Variants in STK3 observed in about 807,000 individuals in gnomAD.
The protein encoded by STK3 is serine/threonine kinase 3.
In STK3, 41 loss-of-function variants were observed where a neutral mutation model predicts 58.0. The ratio of observed to expected loss-of-function variants is 0.71; its 90% confidence interval spans 0.55 to 0.92. The LOEUF (loss-of-function observed/expected upper bound fraction) is 0.92. Among genes scored for constraint, STK3 ranks in the 40% least tolerant of loss-of-function variants. The probability of loss-of-function intolerance (pLI) is 0.00; values close to 1 mark genes in which losing one functional copy is unlikely to be tolerated. For synonymous variants in STK3, 170 were observed against 191.0 expected, an observed-to-expected ratio of 0.89 and a Z score of 0.91; for missense variants, 479 against 602.7, an observed-to-expected ratio of 0.79 and a Z score of 2.15.
At chr8:98,644,286 T>C (rs545234162) in intron 6 of STK3, among the ~76,000 whole-genome samples, 1 of 152,336 alleles carries the variant, frequency 6.6e-6, no homozygotes, top group Admixed American at 6.5e-5. Flanking sequence ...AGTCAAAGTA[T>C]GAATGAAACC....
chr8:98,426,283 A>T (rs1347069219), intron 3 of STK3, among the ~76,000 whole-genome samples: 1 of 152,200 alleles, frequency 6.6e-6, no homozygotes, highest in African/African-American at 2.4e-5. Context: ...CACACGTCCC[A>T]GGTCCCCCCT....
At chr8:98,471,793 A>T (rs1357706362) in intron 10 of STK3, among the ~76,000 whole-genome samples, 1 of 152,194 alleles carries the variant, frequency 6.6e-6, no homozygotes, top group Non-Finnish European at 1.5e-5. Context: ...ACTACCTACT[A>T]GGTGTAAATC....
At chr8:98,831,295 T>C (rs1422725518) in intron 3 of STK3, among the ~76,000 whole-genome samples, 1 of 152,200 alleles carries the variant, frequency 6.6e-6, no homozygotes, top group African/African-American at 2.4e-5. Flanking sequence ...GTATTTCTCT[T>C]AGGCTGGAGT....
At chr8:98,636,871 T>C (rs1563832103) in intron 6 of STK3, among the ~76,000 whole-genome samples, 1 of 152,094 alleles carries the variant, frequency 6.6e-6, no homozygotes, top group Non-Finnish European at 1.5e-5. Flanking sequence ...GTAATAAATA[T>C]AAACTATCCA....
intron 4 of STK3, among the ~76,000 whole-genome samples, chr8:98,736,600 T>G (rs987941614): frequency 1.3e-5 from 2 of 152,186 alleles, no homozygotes; most frequent in Non-Finnish European, 2.9e-5. Flanking sequence ...TTCAAGGAAA[T>G]ATTTGTTCAA....
intron 4 of STK3, among the ~76,000 whole-genome samples, chr8:98,737,818 C>T (rs1395400037): frequency 6.6e-6 from 1 of 152,122 alleles, no homozygotes; most frequent in Non-Finnish European, 1.5e-5. Context: ...AGAGATTCTC[C>T]TGCCTCAGCC....
At chr8:98,426,521 C>T (rs1818234790) in intron 3 of STK3, among the ~76,000 whole-genome samples, 1 of 152,002 alleles carries the variant, frequency 6.6e-6, no homozygotes, top group Non-Finnish European at 1.5e-5. Context: ...CCGCCCCCCG[C>T]GTACTAAGCC....
At chr8:98,782,904 GGAA>G (rs1349186394) in intron 1 of STK3, among the ~76,000 whole-genome samples, 1 of 151,686 alleles carries the variant, frequency 6.6e-6, no homozygotes, top group Non-Finnish European at 1.5e-5. Context: ...AGTAAGGAAA[GGAA>G]GGAGGGAAAT....
At chr8:98,795,076 T>G (rs1833042910) in intron 1 of STK3, among the ~76,000 whole-genome samples, 2 of 14,210 alleles carry the variant, frequency 1.4e-4, no homozygotes, top group African/African-American at 7.7e-4. Flanking sequence ...CAAAACTCCG[T>G]CGCAAAAAAA....
intron 4 of STK3, among the ~76,000 whole-genome samples, chr8:98,717,747 C>T (rs1416766136): frequency 6.6e-6 from 1 of 152,158 alleles, no homozygotes; most frequent in Non-Finnish European, 1.5e-5. Flanking sequence ...AACGTACACC[C>T]ATGTTCATAG....
chr8:98,360,307 G>A, the STK3 span, among the ~76,000 whole-genome samples: 3 of 152,114 alleles, frequency 2.0e-5, no homozygotes, highest in Non-Finnish European at 4.4e-5. Context: ...TGCACCATTT[G>A]CACACTGTGT....
chr8:98,694,941 G>T (rs901444635), intron 6 of STK3, among the ~76,000 whole-genome samples: 1 of 152,140 alleles, frequency 6.6e-6, no homozygotes, highest in Non-Finnish European at 1.5e-5. Flanking sequence ...CTTCCACAAT[G>T]GTTGAACTAG....
At chr8:98,381,637 A>G (rs569423798) in intron 1 of STK3, among the ~76,000 whole-genome samples, 1 of 152,288 alleles carries the variant, frequency 6.6e-6, no homozygotes, top group Admixed American at 6.5e-5. Flanking sequence ...CATTTTGTCT[A>G]TTGTCCGTCA....
chr8:98,711,301 C>T, intron 4 of STK3, among the ~76,000 whole-genome samples: 1 of 152,112 alleles, frequency 6.6e-6, no homozygotes, highest in East Asian at 1.9e-4. Context: ...CTTTGACAAG[C>T]TGAGAGAAGA....
chr8:98,825,736 C>A (rs1478607970), upstream of STK3: 1 of 891,362 alleles, frequency 1.1e-6, no homozygotes, highest in African/African-American at 2.0e-5. Context: ...CCGCCCCCGG[C>A]CGCCCCGCCC....
At chr8:98,939,368 GC>G (rs1840312528) in intron 1 of STK3, among the ~76,000 whole-genome samples, 1 of 152,296 alleles carries the variant, frequency 6.6e-6, no homozygotes, top group African/African-American at 2.4e-5. Flanking sequence ...AGATTGCCAG[GC>G]CCCACTCCCA....
At chr8:98,575,811 A>C (rs1813351714) in intron 8 of STK3, among the ~76,000 whole-genome samples, 1 of 152,028 alleles carries the variant, frequency 6.6e-6, no homozygotes, top group Non-Finnish European at 1.5e-5. Context: ...CAGAAGCATA[A>C]TTTGTAAATA....
At chr8:98,425,906 T>C (rs976075157) in intron 3 of STK3, among the ~76,000 whole-genome samples, 1 of 152,162 alleles carries the variant, frequency 6.6e-6, no homozygotes, top group Non-Finnish European at 1.5e-5. Context: ...AGCTCCCTGC[T>C]AAGCTCACAC....
intron 3 of STK3, among the ~76,000 whole-genome samples, chr8:98,831,208 AT>A (rs993489326): frequency 6.6e-6 from 1 of 152,190 alleles, no homozygotes; most frequent in Non-Finnish European, 1.5e-5. Flanking sequence ...TGTTTAAAAT[AT>A]TAAGATAGAA....
Sources: gnomAD v4.1 joint callset for allele counts (sites outside exome capture counted in the v4.1 genomes callset) on GRCh38, gnomAD v4.1.1 for gene constraint, MANE v1.5 for transcripts, NCBI Gene and HGNC (gene_info 2026-07-23, HGNC 2026-07-21) for gene names.